MCC: variants seen among roughly 807,000 people sequenced by gnomAD.
MCC encodes MCC regulator of Wnt signaling pathway.
A neutral mutation model predicts 116.2 loss-of-function variants in MCC; 90 were observed. That is an observed-to-expected ratio of 0.77 (90% CI 0.65 to 0.92). The LOEUF (loss-of-function observed/expected upper bound fraction) is 0.92. Ranked by LOEUF, MCC falls within the 40% of genes least tolerant of loss-of-function variation. MCC has a pLI of 0.00. For missense variants in MCC, 1,516 were observed against 1,312.2 expected (o/e 1.16, Z -2.40); for synonymous variants, 578 against 510.5 (o/e 1.13, Z -1.78).
chr5:113,101,310 G>C (rs1386656071), intron 8 of MCC, among the ~76,000 whole-genome samples: 1 of 151,606 alleles, frequency 6.6e-6, no homozygotes, highest in East Asian at 1.9e-4. Context: ...ACTAGATTCA[G>C]TATAAGCAAA....
chr5:113,059,800 C>T (rs1395332158), intron 14 of MCC, among the ~76,000 whole-genome samples: 1 of 152,204 alleles, frequency 6.6e-6, no homozygotes, highest in Non-Finnish European at 1.5e-5. Flanking sequence ...AGGCCTGTAG[C>T]CTGGTGGGAA....
intron 3 of MCC, among the ~76,000 whole-genome samples, chr5:113,313,206 G>A (rs1287754883): frequency 6.6e-6 from 1 of 152,080 alleles, no homozygotes; most frequent in Admixed American, 6.5e-5. Context: ...AATTAGCTGG[G>A]TGTGGTGGTG....
At chr5:113,459,133 A>ATATGTGTGTG (rs1554085317) in intron 1 of MCC, among the ~76,000 whole-genome samples, 16 of 68,362 alleles carry the variant, frequency 2.3e-4, no homozygotes, top group African/African-American at 8.7e-4. Context: ...GAGTAAGGAT[A>ATATGTGTGTG]TGTGTGTGTG....
chr5:113,262,077 GCT>G (rs1765238232), intron 3 of MCC, among the ~76,000 whole-genome samples: 14 of 152,012 alleles, frequency 9.2e-5, no homozygotes, highest in Admixed American at 7.2e-4. Flanking sequence ...CGTCCTAAGA[GCT>G]TTTTTTTAAT....
intron 1 of MCC, among the ~76,000 whole-genome samples, chr5:113,402,234 C>A (rs1219073282): frequency 6.9e-6 from 1 of 144,760 alleles, no homozygotes; most frequent in East Asian, 2.0e-4. Flanking sequence ...GCGGAGCTTG[C>A]AGTGAGCTGA....
intron 12 of MCC, 50 bp from the exon 13 acceptor site, chr5:113,068,233 C>T: frequency 7.0e-7 from 1 of 1,431,098 alleles, no homozygotes. Flanking sequence ...CAGCGGACAC[C>T]TTCAATGTGG....
At chr5:113,402,724 G>A (rs2150399447) in intron 1 of MCC, among the ~76,000 whole-genome samples, 1 of 152,284 alleles carries the variant, frequency 6.6e-6, no homozygotes, top group Non-Finnish European at 1.5e-5. Context: ...AGGGCTTGTA[G>A]TCTGATTACA....
chr5:113,028,534 G>A (rs1023092162), intron 18 of MCC, among the ~76,000 whole-genome samples: 1 of 152,298 alleles, frequency 6.6e-6, no homozygotes, highest in Middle Eastern at 3.4e-3. Context: ...CCCAGTCTTA[G>A]AGCAGTATTT....
chr5:113,297,583 T>C (rs1340093594), intron 3 of MCC, among the ~76,000 whole-genome samples: 1 of 150,094 alleles, frequency 6.7e-6, no homozygotes, highest in Non-Finnish European at 1.5e-5. Context: ...ATAATAATAA[T>C]ACTAAACTTA....
At chr5:113,288,443 T>C (rs962866715) in intron 3 of MCC, among the ~76,000 whole-genome samples, 1 of 151,598 alleles carries the variant, frequency 6.6e-6, no homozygotes, top group Non-Finnish European at 1.5e-5. Flanking sequence ...TGAAAAAAAA[T>C]AGAAGTCTCT....
intron 3 of MCC, chr5:113,204,481 C>G (rs541356801): frequency 6.6e-6 from 1 of 152,200 alleles, no homozygotes. Flanking sequence ...AAAATATACA[C>G]CAAATAAAAT....
chr5:113,286,689 G>A (rs566446991), intron 3 of MCC, among the ~76,000 whole-genome samples: 1 of 152,166 alleles, frequency 6.6e-6, no homozygotes, highest in South Asian at 2.1e-4. Context: ...CTCAACATAT[G>A]GTTTTTGGTA....
At chr5:113,436,698 G>T (rs186854022) in intron 1 of MCC, 1 of 152,286 alleles carries the variant, frequency 6.6e-6, no homozygotes, top group African/African-American at 2.4e-5. Flanking sequence ...ATTAACTAGA[G>T]TCTGATAAGA....
intron 3 of MCC, among the ~76,000 whole-genome samples, chr5:113,212,646 C>T (rs908504836): frequency 1.3e-5 from 2 of 152,212 alleles, no homozygotes; most frequent in African/African-American, 4.8e-5. Flanking sequence ...ACACCACCTG[C>T]AGTTTTATTC....
chr5:113,057,598 C>T (rs565334719), intron 14 of MCC, among the ~76,000 whole-genome samples: 2 of 152,226 alleles, frequency 1.3e-5, no homozygotes, highest in Non-Finnish European at 2.9e-5. Context: ...GCAAAGAGAG[C>T]AAAGCGCGCC....
At chr5:113,210,561 A>C (rs1182051324) in intron 3 of MCC, among the ~76,000 whole-genome samples, 1 of 152,190 alleles carries the variant, frequency 6.6e-6, no homozygotes, top group African/African-American at 2.4e-5. Context: ...GTGTGATGAG[A>C]AATCTAGGTC....
chr5:113,049,060 C>T (rs757171354), intron 16 of MCC, 33 bp downstream of exon 16: 6 of 1,609,406 alleles, frequency 3.7e-6, no homozygotes, highest in South Asian at 1.1e-5. Context: ...AGTCACTGAG[C>T]CTAAGGGTGT....
At chr5:113,142,931 C>T (rs928001495) in intron 5 of MCC, among the ~76,000 whole-genome samples, 5 of 152,094 alleles carry the variant, frequency 3.3e-5, no homozygotes, top group African/African-American at 9.7e-5. Context: ...GATTTCATAC[C>T]CTTATCAACA....
chr5:113,116,389 T>C (rs1757395034), intron 6 of MCC, among the ~76,000 whole-genome samples: 1 of 152,222 alleles, frequency 6.6e-6, no homozygotes, highest in African/African-American at 2.4e-5. Context: ...CCAAGGCTGG[T>C]TTCAGGAGCT....
Sources: gnomAD v4.1 joint callset for allele counts (sites outside exome capture counted in the v4.1 genomes callset) on GRCh38, gnomAD v4.1.1 for gene constraint, MANE v1.5 for transcripts, NCBI Gene and HGNC (gene_info 2026-07-23, HGNC 2026-07-21) for gene names.